Variants in LINGO2 observed in about 807,000 individuals in gnomAD.
LINGO2 encodes leucine-rich repeat and immunoglobulin-like domain-containing nogo receptor-interacting protein 2.
LINGO2 carries 14 observed loss-of-function variants against 30.6 expected under a neutral mutation model. The ratio of observed to expected loss-of-function variants is 0.46; its 90% CI spans 0.30 to 0.72. The LOEUF is 0.72. Ranked by LOEUF, LINGO2 falls within the 30% of genes least tolerant of loss-of-function variation. The pLI is 0.07. For missense variants in LINGO2, 729 were observed against 751.7 expected, an observed-to-expected ratio of 0.97 and a Z score of 0.35; for synonymous variants, 317 against 288.5, an observed-to-expected ratio of 1.10 and a Z score of -1.00.
chr9:28,397,510 T>A (rs909433477), intron 2 of LINGO2, among the ~76,000 whole-genome samples: 22 of 150,696 alleles, frequency 1.5e-4, no homozygotes, highest in Admixed American at 1.4e-3. Flanking sequence ...CATTTTATTG[T>A]TAACTATCAA....
chr9:28,883,992 T>G, the LINGO2 span, among the ~76,000 whole-genome samples: 1 of 151,798 alleles, frequency 6.6e-6, no homozygotes, highest in Non-Finnish European at 1.5e-5. Flanking sequence ...TATGTTATAT[T>G]GTGTTTATTA....
chr9:27,985,109 ATTG>A (rs1166071308), intron 5 of LINGO2, among the ~76,000 whole-genome samples: 1 of 151,888 alleles, frequency 6.6e-6, no homozygotes. Flanking sequence ...AGACAACAGA[ATTG>A]TTATGACATT....
the LINGO2 span, among the ~76,000 whole-genome samples, chr9:28,978,645 T>C: frequency 6.6e-6 from 1 of 152,088 alleles, no homozygotes; most frequent in East Asian, 1.9e-4. Context: ...TGAAATAATA[T>C]AGAGATGTTG....
intron 1 of LINGO2, among the ~76,000 whole-genome samples, chr9:28,506,292 T>C (rs1820106987): frequency 6.6e-6 from 1 of 150,768 alleles, no homozygotes; most frequent in Non-Finnish European, 1.5e-5. Context: ...TATTATACTC[T>C]ATTTGACGAT....
intron 1 of LINGO2, among the ~76,000 whole-genome samples, chr9:28,648,316 G>C (rs990305606): frequency 6.6e-6 from 1 of 152,022 alleles, no homozygotes; most frequent in Non-Finnish European, 1.5e-5. Context: ...TAATTATTTT[G>C]ACATTAAATT....
chr9:28,592,103 A>T (rs1824941164), intron 1 of LINGO2, among the ~76,000 whole-genome samples: 2 of 152,084 alleles, frequency 1.3e-5, no homozygotes, highest in South Asian at 4.1e-4. Flanking sequence ...GTAATGGGAT[A>T]TTTTTTGTTC....
chr9:28,821,973 T>C, the LINGO2 span, among the ~76,000 whole-genome samples: 291 of 152,232 alleles, frequency 1.9e-3, 1 homozygote, highest in African/African-American at 6.9e-3. Flanking sequence ...TGAACCTGGA[T>C]ACTGTCTCTT....
In LINGO2 at chr9:28,567,924, C is replaced by G. The variant is rs145616772; in HGVS notation, c.-364-91899G>C. On this transcript the variant is annotated intron_variant, in intron 1 of 5. Coordinates refer to ENST00000379992, the Ensembl canonical transcript of LINGO2. Reference sequence around the variant, plus strand: ...GTTCTTACTCTGACTCTACTCACTGCTATTTTACAGTCAGTTCGAACAAGC... The same window carrying G: ...GTTCTTACTCTGACTCTACTCACTGGTATTTTACAGTCAGTTCGAACAAGC... 9.6e-3 allele frequency among the ~76,000 whole-genome samples: 1,466 copies of G among 152,160 alleles called. 6 individuals are homozygous for G. Among genetic ancestry groups the G allele is most frequent in the Middle Eastern group, 0.024 (7 of 294 alleles).
intron 4 of LINGO2, among the ~76,000 whole-genome samples, chr9:28,046,785 C>A (rs1464987450): frequency 6.6e-6 from 1 of 152,116 alleles, no homozygotes; most frequent in South Asian, 2.1e-4. Context: ...GTTATATAAG[C>A]TACTCAAAGT....
chr9:28,535,025 A>G (rs1253711727), intron 1 of LINGO2, among the ~76,000 whole-genome samples: 1 of 152,120 alleles, frequency 6.6e-6, no homozygotes, highest in Non-Finnish European at 1.5e-5. Context: ...AGCTTTAACA[A>G]TGACTTTACT....
chr9:28,070,380 C>T (rs1825438850), intron 4 of LINGO2, among the ~76,000 whole-genome samples: 1 of 152,180 alleles, frequency 6.6e-6, no homozygotes, highest in South Asian at 2.1e-4. Context: ...AAAACTTACA[C>T]ATAGCCACAT....
intron 4 of LINGO2, among the ~76,000 whole-genome samples, chr9:28,033,314 G>T (rs191134681): frequency 2.6e-5 from 4 of 152,126 alleles, no homozygotes; most frequent in African/African-American, 9.7e-5. Flanking sequence ...TGGGGGTGGG[G>T]CAAGAGTCAG....
chr9:27,981,570 G>GAAAAAAAAAAAAAAAAAAAGA (rs147823149), intron 5 of LINGO2, among the ~76,000 whole-genome samples: 3 of 101,478 alleles, frequency 3.0e-5, no homozygotes, highest in African/African-American at 3.9e-5. Flanking sequence ...GAAAAAAAAA[G>GAAAAAAAAAAAAAAAAAAAGA]AAAAAAAAAA....
intron 1 of LINGO2, among the ~76,000 whole-genome samples, chr9:28,599,847 C>G (rs1258481971): frequency 1.3e-5 from 2 of 152,032 alleles, no homozygotes; most frequent in Non-Finnish European, 2.9e-5. Flanking sequence ...CAATTAAGCA[C>G]AAGATTAGCT....
intron 4 of LINGO2, among the ~76,000 whole-genome samples, chr9:28,211,119 C>A (rs1449369647): frequency 6.6e-6 from 1 of 151,406 alleles, no homozygotes; most frequent in African/African-American, 2.4e-5. Context: ...TTAAAAATTG[C>A]AGCAAATATG....
chr9:28,763,561 A>C, the LINGO2 span, among the ~76,000 whole-genome samples: 1 of 151,978 alleles, frequency 6.6e-6, no homozygotes, highest in Non-Finnish European at 1.5e-5. Context: ...TCATGGCAAT[A>C]AATGCCTACA....
the LINGO2 span, among the ~76,000 whole-genome samples, chr9:29,169,612 T>C: frequency 6.6e-6 from 1 of 152,140 alleles, no homozygotes; most frequent in African/African-American, 2.4e-5. Flanking sequence ...ATGGCTATTA[T>C]TAAAAAGTCA....
chr9:28,909,414 C>G, the LINGO2 span, among the ~76,000 whole-genome samples: 15 of 151,746 alleles, frequency 9.9e-5, no homozygotes, highest in Non-Finnish European at 2.2e-4. Context: ...ATCAGTTTTC[C>G]CTGATTTCTG....
Position 28,334,943 on chromosome 9 carries a change from C to A in LINGO2, c.-246+37893G>T, listed in dbSNP as rs185882359. On this transcript the variant is annotated intron_variant, in intron 3 of 5. Transcript: ENST00000379992. ...CTTGTTAGGGGAAACCCAGGAATGA[C>A]TGAGTCAGAATTCCCTGCTAGGCCA... 3.3e-4 allele frequency among the ~76,000 whole-genome samples: 50 copies of A among 152,246 alleles called. No individual in the cohort carries two copies. The East Asian group carries it at 7.9e-3, about 24-fold the overall frequency.
Sources: gnomAD v4.1 joint callset for allele counts (sites outside exome capture counted in the v4.1 genomes callset) on GRCh38, gnomAD v4.1.1 for gene constraint, MANE v1.5 for transcripts, NCBI Gene and HGNC (gene_info 2026-07-23, HGNC 2026-07-21) for gene names.